Variants in VWA3B observed in about 807,000 individuals in gnomAD.
VWA3B encodes the protein von Willebrand factor A domain-containing protein 3B.
VWA3B carries 138 observed loss-of-function variants against 158.3 expected under a neutral mutation model. The ratio of observed to expected loss-of-function variants is 0.87; its 90% confidence interval spans 0.76 to 1.00. The LOEUF is 1.00. Ranked by LOEUF, VWA3B falls within the 50% of genes least tolerant of loss-of-function variation. VWA3B has a pLI of 0.00. For missense variants in VWA3B, 1,555 were observed against 1,565.1 expected, an observed-to-expected ratio of 0.99 and a Z score of 0.11; for synonymous variants, 596 against 587.3, an observed-to-expected ratio of 1.01 and a Z score of -0.21.
chr2:98,298,061 C>G (rs1164599858), intron 24 of VWA3B, 30 bp downstream of exon 24: 1 of 1,445,112 alleles, frequency 6.9e-7, no homozygotes, highest in Non-Finnish European at 9.1e-7. Flanking sequence ...TTCTGGGGCC[C>G]CTTTTCACCA....
intron 13 of VWA3B, among the ~76,000 whole-genome samples, chr2:98,213,184 G>C (rs1683686942): frequency 1.3e-5 from 2 of 152,282 alleles, no homozygotes; most frequent in South Asian, 4.2e-4. Flanking sequence ...GGAAATATGT[G>C]GGGGGCTCAG....
intron 7 of VWA3B, among the ~76,000 whole-genome samples, chr2:98,160,166 G>A (rs1678454913): frequency 6.6e-6 from 1 of 152,066 alleles, no homozygotes; most frequent in Non-Finnish European, 1.5e-5. Context: ...CTGTCCCTCG[G>A]CTGTGGCTAT....
intron 16 of VWA3B, among the ~76,000 whole-genome samples, chr2:98,233,805 G>C (rs1268188759): frequency 6.6e-6 from 1 of 152,170 alleles, no homozygotes; most frequent in Non-Finnish European, 1.5e-5. Flanking sequence ...TTTCATTCAC[G>C]AATGCTGACA....
intron 16 of VWA3B, among the ~76,000 whole-genome samples, chr2:98,230,708 G>A (rs1335737553): frequency 6.6e-6 from 1 of 152,070 alleles, no homozygotes; most frequent in Admixed American, 6.5e-5. Context: ...AAACTAAAAG[G>A]TGAAAGACTG....
chr2:98,163,001 T>C lies in VWA3B; in HGVS notation c.1114+25T>C, dbSNP rs373915958. ...GGTTGGTGCTATTTCTGGTCACTGG[T>C]GTAAAAGATTCATAAATGTTACTAG... On this transcript the variant is annotated intron_variant, in intron 8 of 27. Coordinates refer to ENST00000477737, the MANE Select transcript of VWA3B (RefSeq NM_144992.5). 6.8e-6 allele frequency: 11 copies of C among 1,612,338 alleles called. No homozygotes were observed. In the East Asian group the frequency reaches 2.5e-4, roughly 36 times the overall value.
At position 98,311,923 on chromosome 2, in the gene VWA3B, A is replaced by T; in HGVS notation, c.3626A>T (p.Lys1209Met). 1 of 1,609,016 alleles carries T rather than the reference A, an allele frequency of 6.2e-7. No individual in the cohort carries two copies. Among genetic ancestry groups the T allele is most frequent in the Non-Finnish European group, 8.5e-7 (1 of 1,177,664 alleles). The change falls in exon 27 of 28, where the codon AAG becomes ATG. Residue 1209 changes from lysine to methionine, a missense_variant. Transcript: ENST00000477737. The part of the protein sequence containing the change: ...EPRREKPRRK[K>M]RPAKQPLQQA... ...AGACGAGAGAAGCCCAGGAGGAAAAAGAGGCCCGCCAAGCAGCCACTCCAG... is the reference window on the plus strand; with the variant it reads ...AGACGAGAGAAGCCCAGGAGGAAAATGAGGCCCGCCAAGCAGCCACTCCAG...
At chr2:98,155,976 T>C (rs1678035174) in intron 7 of VWA3B, among the ~76,000 whole-genome samples, 1 of 152,204 alleles carries the variant, frequency 6.6e-6, no homozygotes, top group Non-Finnish European at 1.5e-5. Flanking sequence ...GAACTTTTGT[T>C]GCAAAGAATC....
intron 22 of VWA3B, among the ~76,000 whole-genome samples, chr2:98,277,643 G>A (rs1688602899): frequency 6.6e-6 from 1 of 152,216 alleles, no homozygotes; most frequent in East Asian, 1.9e-4. Flanking sequence ...GGAAGCTGGA[G>A]CCTATGGCCT....
chr2:98,216,928 A>G, intron 13 of VWA3B: 1 of 1,302,946 alleles, frequency 7.7e-7, no homozygotes, highest in Non-Finnish European at 1.0e-6. Flanking sequence ...CCTTCATTCC[A>G]TACAGCTGAA....
intron 20 of VWA3B, among the ~76,000 whole-genome samples, chr2:98,255,683 C>T (rs1687090264): frequency 6.6e-6 from 1 of 152,132 alleles, no homozygotes; most frequent in Non-Finnish European, 1.5e-5. Context: ...CCTGCTTGAT[C>T]TCTAAAGTGT....
At chr2:98,161,212 A>G (rs1678547279) in intron 7 of VWA3B, among the ~76,000 whole-genome samples, 1 of 152,234 alleles carries the variant, frequency 6.6e-6, no homozygotes, top group African/African-American at 2.4e-5. Flanking sequence ...GCCAAGGGGC[A>G]GGGACTGCCA....
intron 21 of VWA3B, among the ~76,000 whole-genome samples, chr2:98,266,995 G>A (rs1189031218): frequency 6.6e-6 from 1 of 151,366 alleles, no homozygotes; most frequent in Non-Finnish European, 1.5e-5. Context: ...TCTGCAAACA[G>A]GGACAATTTG....
At chr2:98,103,751 G>A (rs1683242582) in intron 2 of VWA3B, among the ~76,000 whole-genome samples, 3 of 152,232 alleles carry the variant, frequency 2.0e-5, no homozygotes, top group South Asian at 4.1e-4. Context: ...CAGTTGTTAG[G>A]TAGTATTTAT....
chr2:98,306,902 G>A (rs1235976119), intron 26 of VWA3B, among the ~76,000 whole-genome samples: 2 of 152,144 alleles, frequency 1.3e-5, no homozygotes, highest in Non-Finnish European at 2.9e-5. Flanking sequence ...GCAAGAGACT[G>A]AGTTTAATGC....
chr2:98,250,505 G>A, intron 20 of VWA3B, 69 bp downstream of exon 20: 1 of 1,086,020 alleles, frequency 9.2e-7, no homozygotes, highest in Non-Finnish European at 1.3e-6. Context: ...GACTTCTCTT[G>A]TTTTAGCTTA....
downstream of VWA3B, among the ~76,000 whole-genome samples, chr2:98,317,375 C>G (rs749539630): frequency 5.3e-4 from 81 of 152,212 alleles, no homozygotes; most frequent in Admixed American, 6.5e-4. Flanking sequence ...GGCCAGAGCA[C>G]TCTAAAGTTT....
At position 98,236,464 on chromosome 2, in the gene VWA3B, G is replaced by A. The variant is rs749204608; in HGVS notation, c.2503G>A (p.Val835Ile). ...SEKVTREGSQ[V>I]YDHDSSDVSS... ...AAAGGTGACGCGAGAAGGAAGCCAG[G>A]TTTATGACCACGAGTGAGTTCTTTA... Residue 835 changes from valine to isoleucine, a missense_variant, in exon 18 of 28, where the codon GTT (valine) becomes ATT (isoleucine). Physicochemically the swap from Val to Ile is conservative, Grantham distance 29. Coordinates refer to ENST00000477737, the MANE Select transcript of VWA3B (RefSeq NM_144992.5). 9 of 1,614,108 alleles carry A rather than the reference G, an allele frequency of 5.6e-6. No individual in the cohort carries two copies. Among genetic ancestry groups the A allele is most frequent in the Non-Finnish European group, 7.6e-6 (9 of 1,180,042 alleles).
At chr2:98,119,886 T>G in intron 4 of VWA3B, 123 bp downstream of exon 4, 1 of 1,236,858 alleles carries the variant, frequency 8.1e-7, no homozygotes, top group South Asian at 1.5e-5. Flanking sequence ...TATCTTATAC[T>G]TTCCTAGAAG....
intron 1 of VWA3B, among the ~76,000 whole-genome samples, chr2:98,091,946 A>ATCCTT (rs1682323681): frequency 6.6e-6 from 1 of 152,204 alleles, no homozygotes; most frequent in Admixed American, 6.5e-5. Context: ...GTTTGGCCCC[A>ATCCTT]TCCTTTCCTC....
Sources: allele counts gnomAD v4.1 joint callset (sites outside exome capture counted in the v4.1 genomes callset), GRCh38; gene constraint gnomAD v4.1.1; transcripts MANE v1.5; gene names NCBI Gene and HGNC (gene_info 2026-07-23, HGNC 2026-07-21).